CCDC187: variants seen among roughly 807,000 people sequenced by gnomAD.
CCDC187 encodes coiled-coil domain containing 187, also known as coiled-coil domain-containing protein 187.
CCDC187 carries 32 observed loss-of-function variants against 38.0 expected under a neutral mutation model. The ratio of observed to expected loss-of-function variants is 0.84; its 90% CI spans 0.64 to 1.13. CCDC187 has a LOEUF of 1.13. Ranked by LOEUF, CCDC187 falls within the 50% of genes most tolerant of loss-of-function variation. The pLI is 0.00. For synonymous variants in CCDC187, 333 were observed against 347.9 expected (o/e 0.96, Z 0.48); for missense variants, 707 against 786.8 (o/e 0.90, Z 1.21).
At chr9:136,275,545 C>T (rs915810013) in intron 12 of CCDC187, among the ~76,000 whole-genome samples, 73 of 152,248 alleles carry the variant, frequency 4.8e-4, no homozygotes, top group Middle Eastern at 3.4e-3. Flanking sequence ...CAACATGTAC[C>T]GTGGATGTAC....
At position 136,283,957 on chromosome 9, in the gene CCDC187, G is replaced by A. The variant is rs1447938309; in HGVS notation, c.2927+1556C>T. Reference sequence around the variant, plus strand: ...TGGGCCGGACTGGGCCTGGGCAGCAGGTGGGGTTGGGAGTGAGATGGGGCA... The same window carrying A: ...TGGGCCGGACTGGGCCTGGGCAGCAAGTGGGGTTGGGAGTGAGATGGGGCA... On this transcript the variant is annotated intron_variant, in intron 9 of 25. Coordinates refer to ENST00000638797, the MANE Select transcript of CCDC187 (RefSeq NM_001378188.1). 2.0e-5 allele frequency among the ~76,000 whole-genome samples: 3 copies of A among 152,216 alleles called. 1 individual carries two copies. Among genetic ancestry groups the A allele is most frequent in the Admixed American group, 1.3e-4 (2 of 15,292 alleles).
In CCDC187 at chr9:136,254,856, G is replaced by A. The variant is rs1375609451; in HGVS notation, c.4972C>T (p.Pro1658Ser). The change falls in exon 26 of 26, where the codon CCA becomes TCA. Residue 1658 changes from proline (P) to serine (S), a missense_variant. Coordinates refer to ENST00000638797, the MANE Select transcript of CCDC187 (RefSeq NM_001378188.1). ...CCAGGCCAGCTGAAACCTTCGTCTGGGGAGTCTTCAGCTTCCAAGCTGGGA... is the reference window on the plus strand; with the variant it reads ...CCAGGCCAGCTGAAACCTTCGTCTGAGGAGTCTTCAGCTTCCAAGCTGGGA... The part of the protein sequence containing the change: ...SLPSLEAEDS[P>S]DEGFSWPGEL... The A allele has an allele frequency of 1.0e-6, 1 of 985,498 alleles. No individual in the cohort carries two copies. The highest frequency in any genetic ancestry group is 1.2e-6 in the Non-Finnish European group (1 of 829,970). 61.0% of individuals were successfully genotyped at this position (985,498 alleles called of 1,614,324 possible).
chr9:136,277,784 C>A (rs1830961548), intron 10 of CCDC187, among the ~76,000 whole-genome samples: 1 of 152,128 alleles, frequency 6.6e-6, no homozygotes, highest in Non-Finnish European at 1.5e-5. Flanking sequence ...GATGGTGGGG[C>A]CCTCGTGATG....
rs1172503362 is a variant in CCDC187, at chr9:136,254,442, CGCTTCCAAGGCCCAGTGA to C, written c.5368_5385del (p.Ser1790_Ser1795del). 11 of 985,278 alleles carry C rather than the reference CGCTTCCAAGGCCCAGTGA, an allele frequency of 1.1e-5. No homozygotes were observed. The highest frequency in any genetic ancestry group is 1.3e-5 in the Non-Finnish European group (11 of 829,960). 61.0% of individuals were successfully genotyped at this position (985,278 alleles called of 1,614,324 possible). On this transcript the variant is annotated inframe_deletion, in exon 26 of 26. Transcript: ENST00000638797. ...GGAGGAGCCACCTGGGGCTCCACGCCGCTTCCAAGGCCCAGTGAGCCACCTGCAGGCAGGGAGCTCCCC... is the reference window on the plus strand; with the variant it reads ...GGAGGAGCCACCTGGGGCTCCACGCCGCCACCTGCAGGCAGGGAGCTCCCC...
At chr9:136,302,628 G>A (rs1196276349) in intron 2 of CCDC187, among the ~76,000 whole-genome samples, 184 bp downstream of exon 2, 4 of 152,296 alleles carry the variant, frequency 2.6e-5, no homozygotes, top group Middle Eastern at 3.4e-3. Flanking sequence ...TCCAGGGAGG[G>A]ATCCTCATCA....
Position 136,286,619 on chromosome 9 carries a change from C to G in CCDC187, c.2299G>C (p.Gly767Arg), listed in dbSNP as rs1312984627. The G allele has an allele frequency of 2.5e-6, 1 of 398,680 alleles. No individual in the cohort carries two copies. The highest frequency in any genetic ancestry group is 4.4e-6 in the Non-Finnish European group (1 of 226,194). The allele number at this position is 398,680 out of a possible 1,614,324, so 24.7% of individuals were successfully genotyped here. A position where few individuals can be genotyped will look rare whatever the true frequency, so the allele number is the denominator to read the frequency against. ...DPPGMGGPQD[G>R]RDAPVLLSAS... is the part of the protein sequence containing the mutation. ...GACAGCAGCACGGGGGCATCCCGGC[C>G]ATCTTGGGGGCCCCCCATCCCTGGG... The change falls in exon 8 of 26, where the codon GGC becomes CGC. Residue 767 changes from glycine (G) to arginine (R), a missense_variant. Gly to Arg is a moderately radical substitution (Grantham distance 125). Transcript: ENST00000638797.
chr9:136,254,318 G>T lies in CCDC187; in HGVS notation c.5510C>A (p.Ser1837Tyr). The T allele has an allele frequency of 2.0e-6, 2 of 977,818 alleles. No individual in the cohort carries two copies. Among genetic ancestry groups the T allele is most frequent in the Non-Finnish European group, 2.4e-6 (2 of 823,158 alleles). 60.6% of individuals were successfully genotyped at this position (977,818 alleles called of 1,614,324 possible). A position where few individuals can be genotyped will look rare whatever the true frequency, so the allele number is the denominator to read the frequency against. ...TTCCAGCCCCTCCCCAGGCCATGGG[G>T]ACGGAAGAGCCACCTGGGGCTCCAT... ...SGMEPQVALP[S>Y]PWPGEGLEAS... The change falls in exon 26 of 26, where the codon TCC (serine) becomes TAC (tyrosine). Residue 1837 changes from serine to tyrosine, a missense_variant. Ser to Tyr is a moderately radical substitution (Grantham distance 144). Transcript: ENST00000638797.
At position 136,254,403 on chromosome 9, in the gene CCDC187, C is replaced by A; in HGVS notation, c.5425G>T (p.Gly1809Trp). 1 of 985,018 alleles carries A rather than the reference C, an allele frequency of 1.0e-6. No homozygotes were observed. The highest frequency in any genetic ancestry group is 1.2e-6 in the Non-Finnish European group (1 of 829,640). 61.0% of individuals were successfully genotyped at this position (985,018 alleles called of 1,614,324 possible). A position where few individuals can be genotyped will look rare whatever the true frequency, so the allele number is the denominator to read the frequency against. ...GTCCCAGAAGCTTCCCGCCCCTCCC[C>A]GGACCGTGGGGAGGGAGGAGCCACC... The part of the protein sequence containing the change: ...PQVAPPSPRS[G>W]EGREASGTSE... The change falls in exon 26 of 26, where the codon GGG becomes TGG. Residue 1809 changes from glycine to tryptophan, a missense_variant. Transcript: ENST00000638797.
At chr9:136,282,680 C>T (rs997494978) in intron 9 of CCDC187, among the ~76,000 whole-genome samples, 1 of 152,232 alleles carries the variant, frequency 6.6e-6, no homozygotes, top group Non-Finnish European at 1.5e-5. Flanking sequence ...CCTCAGCAGC[C>T]CGCAGGGCCC....
chr9:136,286,854 A>G (rs1304658360), intron 7 of CCDC187, among the ~76,000 whole-genome samples, 159 bp from the exon 8 acceptor site: 1 of 152,230 alleles, frequency 6.6e-6, no homozygotes, highest in Non-Finnish European at 1.5e-5. Flanking sequence ...GTATCCACAC[A>G]ACAGACCACA....
chr9:136,254,441 C>T lies in CCDC187; in HGVS notation c.5387G>A (p.Gly1796Asp). 1.0e-6 allele frequency: 1 copy of T among 985,410 alleles called. No individual in the cohort carries two copies. The allele number at this position is 985,410 out of a possible 1,614,324, so 61.0% of individuals were successfully genotyped here. ...GGGAGGAGCCACCTGGGGCTCCACG[C>T]CGCTTCCAAGGCCCAGTGAGCCACC... ...PAGGSLGLGS[G>D]VEPQVAPPSP... is the part of the protein sequence containing the mutation. Residue 1796 changes from glycine (G) to aspartate (D), a missense_variant, in exon 26 of 26, where the codon GGC becomes GAC. Physicochemically the swap from Gly to Asp is moderately conservative, Grantham distance 94. Coordinates refer to ENST00000638797, the MANE Select transcript of CCDC187 (RefSeq NM_001378188.1).
chr9:136,299,924 T>G (rs1831633608), intron 3 of CCDC187, among the ~76,000 whole-genome samples: 2 of 152,202 alleles, frequency 1.3e-5, no homozygotes, highest in Non-Finnish European at 2.9e-5. Context: ...GCCTGTTCTG[T>G]GCAGGAGATC....
intron 10 of CCDC187, among the ~76,000 whole-genome samples, chr9:136,279,194 AGCTCT>A (rs1469314918): frequency 6.6e-6 from 1 of 152,158 alleles, no homozygotes. Flanking sequence ...TCCATTGGAC[AGCTCT>A]GGTCTGGGTG....
At chr9:136,280,812 G>A (rs1831024178) in intron 10 of CCDC187, 1 of 152,476 alleles carries the variant, frequency 6.6e-6, no homozygotes, top group African/African-American at 2.4e-5. Flanking sequence ...GCCAGCCAAG[G>A]AGGGTGCAGG....
intron 4 of CCDC187, among the ~76,000 whole-genome samples, chr9:136,293,421 ATACTCTCACATGCT>A (rs1831417865): frequency 1.4e-5 from 1 of 73,062 alleles, no homozygotes; most frequent in African/African-American, 5.7e-5. Context: ...ACATGCTCAC[ATACTCTCACATGCT>A]CACACACTCA....
chr9:136,303,065 G>GC lies in CCDC187; in HGVS notation c.371dup (p.His125ProfsTer25), dbSNP rs879207130. 7.0e-5 allele frequency: 28 copies of GC among 398,482 alleles called. No individual in the cohort carries two copies. Among genetic ancestry groups the GC allele is most frequent in the African/African-American group, 5.1e-4 (25 of 48,618 alleles). 24.7% of individuals were successfully genotyped at this position (398,482 alleles called of 1,614,324 possible). A position where few individuals can be genotyped will look rare whatever the true frequency, so the allele number is the denominator to read the frequency against. Reference sequence around the variant, plus strand: ...CCTTCCAAGACACACACACGTCGTGGCCCCCCGAAGAGCACGAGAGGCGGC... The same window carrying GC: ...CCTTCCAAGACACACACACGTCGTGGCCCCCCCGAAGAGCACGAGAGGCGGC... On this transcript the variant is annotated frameshift_variant, in exon 2 of 26. Coordinates refer to ENST00000638797, the MANE Select transcript of CCDC187 (RefSeq NM_001378188.1). LOFTEE classifies it high-confidence loss of function.
At chr9:136,299,830 A>T (rs1282204348) in intron 3 of CCDC187, among the ~76,000 whole-genome samples, 4 of 152,154 alleles carry the variant, frequency 2.6e-5, no homozygotes, top group Non-Finnish European at 5.9e-5. Flanking sequence ...CAAGACGGAA[A>T]AGTGAGCCCA....
chr9:136,289,907 C>CA (rs1320322210), intron 7 of CCDC187, 52 bp downstream of exon 7: 14 of 245,348 alleles, frequency 5.7e-5, no homozygotes, highest in Admixed American at 2.2e-4. Flanking sequence ...CTGTTCTTGG[C>CA]CCCCCCCAAG....
At chr9:136,269,484 C>T (rs1830803958) in intron 14 of CCDC187, among the ~76,000 whole-genome samples, 1 of 152,088 alleles carries the variant, frequency 6.6e-6, no homozygotes, top group Admixed American at 6.5e-5. Context: ...CCCGTCTCTA[C>T]TAAAATACAA....
Sources: gnomAD v4.1 joint callset for allele counts (sites outside exome capture counted in the v4.1 genomes callset) on GRCh38, gnomAD v4.1.1 for gene constraint, MANE v1.5 for transcripts, NCBI Gene and HGNC (gene_info 2026-07-23, HGNC 2026-07-21) for gene names.